PIGU: variants seen among roughly 807,000 people sequenced by gnomAD.
PIGU encodes the protein GPI-anchor transamidase component PIGU.
PIGU carries 24 observed loss-of-function variants against 49.9 expected under a neutral mutation model. The ratio of observed to expected loss-of-function variants is 0.48; its 90% CI spans 0.35 to 0.68. The LOEUF is 0.68. Ranked by LOEUF, PIGU falls within the 30% of genes least tolerant of loss-of-function variation. PIGU has a pLI of 0.01. For missense variants in PIGU, 490 were observed against 532.6 expected (o/e 0.92, Z 0.79); for synonymous variants, 220 against 205.7 (o/e 1.07, Z -0.59).
Position 34,644,205 on chromosome 20 carries a change from T to C in PIGU, c.277A>G (p.Ile93Val). Residue 93 changes from isoleucine (I) to valine (V), a missense_variant, in exon 4 of 12, where the codon ATT (isoleucine) becomes GTT (valine). Coordinates refer to ENST00000217446, the MANE Select transcript of PIGU (RefSeq NM_080476.5). ...TCCTGGATTGCAAAATACAGGGCAA[T>C]AGCAGTGAGTGCATCAGTTATCTGT... ...VFMITDALTAIALYFAIQDFN... is the reference protein window; with the variant it reads ...VFMITDALTAVALYFAIQDFN... The C allele has an allele frequency of 1.2e-6, 2 of 1,609,602 alleles. No homozygotes were observed. The highest frequency in any genetic ancestry group is 1.1e-5 in the South Asian group (1 of 90,970).
chr20:34,662,090 C>T (rs1986945132), intron 1 of PIGU, among the ~76,000 whole-genome samples: 1 of 152,038 alleles, frequency 6.6e-6, no homozygotes, highest in Admixed American at 6.6e-5. Flanking sequence ...ACTGTTTTTC[C>T]AAGACAGGTT....
chr20:34,600,138 G>A (rs1177676735), intron 7 of PIGU, among the ~76,000 whole-genome samples: 1 of 152,194 alleles, frequency 6.6e-6, no homozygotes, highest in Non-Finnish European at 1.5e-5. Context: ...CAGGCATGGT[G>A]GCTCAGGCCT....
At chr20:34,624,922 G>C (rs756270280) in intron 6 of PIGU, among the ~76,000 whole-genome samples, 1 of 152,136 alleles carries the variant, frequency 6.6e-6, no homozygotes, top group Non-Finnish European at 1.5e-5. Context: ...GAGTCAAGGG[G>C]ACAAAGCAAA....
chr20:34,634,529 AAAAC>A (rs1985895794), intron 6 of PIGU, 82 bp downstream of exon 6: 59 of 1,428,636 alleles, frequency 4.1e-5, no homozygotes, highest in South Asian at 2.8e-4. Flanking sequence ...CATTAAAAAA[AAAAC>A]AAAACAAAAC....
intron 7 of PIGU, among the ~76,000 whole-genome samples, chr20:34,606,079 C>T (rs1984599571): frequency 6.6e-6 from 1 of 151,940 alleles, no homozygotes; most frequent in African/African-American, 2.4e-5. Flanking sequence ...CACGGTGAAA[C>T]CCCGTCTTTA....
intron 6 of PIGU, among the ~76,000 whole-genome samples, chr20:34,624,939 C>T (rs145855524): frequency 5.3e-5 from 8 of 152,320 alleles, no homozygotes; most frequent in Admixed American, 3.3e-4. Context: ...CAAACAAGGT[C>T]ACTCCCTTCT....
In PIGU at chr20:34,575,192, A is replaced by G. The variant is rs1332280161; in HGVS notation, c.1106T>C (p.Phe369Ser). The G allele has an allele frequency of 6.2e-7, 1 of 1,614,044 alleles. No individual in the cohort carries two copies. Among genetic ancestry groups the G allele is most frequent in the East Asian group, 2.2e-5 (1 of 44,890 alleles). ...AATCCAGAGGTGCCACAGGACAGGG[A>G]AGAGCAGGGAACAGACGATGATGAT... The part of the protein sequence containing the change: ...TCIIIVCSLL[F>S]PVLWHLWIYA... The change falls in exon 11 of 12, where the codon TTC (phenylalanine) becomes TCC (serine). Residue 369 changes from phenylalanine (F) to serine (S), a missense_variant. Transcript: ENST00000217446.
At chr20:34,638,059 A>G in intron 4 of PIGU, 74 bp from the exon 5 acceptor site, 1 of 1,505,652 alleles carries the variant, frequency 6.6e-7, no homozygotes, top group Non-Finnish European at 8.8e-7. Context: ...TGCTGAAGAC[A>G]AAAGTCCTTT....
At chr20:34,571,975 A>G (rs1983031642) in intron 11 of PIGU, among the ~76,000 whole-genome samples, 1 of 152,134 alleles carries the variant, frequency 6.6e-6, no homozygotes, top group Admixed American at 6.5e-5. Context: ...CAGCAGCCCC[A>G]GGAAGTACTT....
chr20:34,659,762 A>G lies in PIGU; in HGVS notation c.131-2518T>C, dbSNP rs528049193. Among the ~76,000 whole-genome samples the G allele has an allele frequency of 6.1e-4, 93 of 152,232 alleles. 1 individual carries two copies. In the East Asian group the frequency reaches 0.012, roughly 20 times the overall value. On this transcript the variant is annotated intron_variant, in intron 1 of 11. Transcript: ENST00000217446. Reference sequence around the variant, plus strand: ...GATCTGTGACCTTACCCCCAACCCCATGCTCTCTGAAACATGTGCTGTGTC... The same window carrying G: ...GATCTGTGACCTTACCCCCAACCCCGTGCTCTCTGAAACATGTGCTGTGTC...
chr20:34,657,095 T>C, intron 2 of PIGU, 85 bp downstream of exon 2: 1 of 1,044,920 alleles, frequency 9.6e-7, no homozygotes. Flanking sequence ...TCTTTTTAAA[T>C]GTTTGTACAA....
intron 10 of PIGU, 85 bp from the exon 11 acceptor site, chr20:34,575,331 G>A (rs1345315135): frequency 1.3e-6 from 2 of 1,496,782 alleles, no homozygotes; most frequent in Middle Eastern, 2.4e-4. Flanking sequence ...GAATGGAGAG[G>A]CCCAAGGTGA....
intron 7 of PIGU, among the ~76,000 whole-genome samples, chr20:34,589,104 T>TACAC (rs11469162): frequency 0.018 from 2,691 of 145,978 alleles, 56 homozygotes; most frequent in East Asian, 0.073. Context: ...TACTATTATT[T>TACAC]ACACACACAC....
At chr20:34,644,986 A>G (rs1298243062) in intron 3 of PIGU, among the ~76,000 whole-genome samples, 1 of 152,112 alleles carries the variant, frequency 6.6e-6, no homozygotes, top group East Asian at 1.9e-4. Context: ...CAAAGTAAAG[A>G]CATAAGTTTT....
rs556304116 is a variant in PIGU at position 34,608,184 on chromosome 20, C to T, written c.627+7858G>A. On this transcript the variant is annotated intron_variant, in intron 7 of 11. Coordinates refer to ENST00000217446, the MANE Select transcript of PIGU (RefSeq NM_080476.5). ...CTGCCTCCCAGGTTCAAGCGATTCT[C>T]GTGCCTCAGCCTCCCAAGTAGCTGG... is the stretch of plus-strand genomic sequence containing the variant. Among the ~76,000 whole-genome samples, 8 of 151,156 alleles carry T rather than the reference C, an allele frequency of 5.3e-5. No homozygotes were observed. In the South Asian group the frequency reaches 1.0e-3, roughly 20 times the overall value.
At chr20:34,605,018 C>A (rs980675249) in intron 7 of PIGU, among the ~76,000 whole-genome samples, 1 of 152,126 alleles carries the variant, frequency 6.6e-6, no homozygotes, top group Non-Finnish European at 1.5e-5. Context: ...CGGTAAGCCT[C>A]GCCTGGTCTC....
At chr20:34,568,129 G>A (rs138464739) in intron 11 of PIGU, among the ~76,000 whole-genome samples, 2,111 of 152,266 alleles carry the variant, frequency 0.014, 54 homozygotes, top group African/African-American at 0.049. Context: ...CAGGAGTTAC[G>A]GGATGTGCCT....
At chr20:34,565,836 A>T (rs1982733124) in intron 11 of PIGU, among the ~76,000 whole-genome samples, 1 of 57,230 alleles carries the variant, frequency 1.7e-5, no homozygotes, top group Admixed American at 2.7e-4. Flanking sequence ...CACTGCACTC[A>T]CACACAGGTG....
At position 34,637,883 on chromosome 20, in the gene PIGU, C is replaced by T. The variant is rs2146763674; in HGVS notation, c.421G>A (p.Ala141Thr). The T allele has an allele frequency of 6.2e-7, 1 of 1,610,030 alleles. No individual in the cohort carries two copies. Among genetic ancestry groups the T allele is most frequent in the East Asian group, 2.2e-5 (1 of 44,628 alleles). The stretch of plus-strand genomic sequence containing the variant: ...TTGTCAGGGAATACTTACAACAGGG[C>T]CACTTTCAAAGGGATGTAACGCATT... ...MEMRYIPLKV[A>T]LFYLLNPYTI... is the part of the protein sequence containing the mutation. Residue 141 changes from alanine to threonine, a missense_variant, in exon 5 of 12, where the codon GCC (alanine) becomes ACC (threonine). Physicochemically the swap from Ala to Thr is moderately conservative, Grantham distance 58. Transcript: ENST00000217446.
Sources: allele counts gnomAD v4.1 joint callset (sites outside exome capture counted in the v4.1 genomes callset), GRCh38; gene constraint gnomAD v4.1.1; transcripts MANE v1.5; gene names NCBI Gene and HGNC (gene_info 2026-07-23, HGNC 2026-07-21).